Variants in SLC30A8 observed in about 807,000 individuals in gnomAD.
SLC30A8 encodes proton-coupled zinc antiporter SLC30A8.
A neutral mutation model predicts 36.9 loss-of-function variants in SLC30A8; 27 were observed. The observed-to-expected ratio is 0.73, with a 90% confidence interval of 0.54 to 1.01. The LOEUF is 1.01. SLC30A8 is among the 50% of genes least tolerant of loss of function. The pLI is 0.00. For synonymous variants in SLC30A8, 164 were observed against 172.4 expected (o/e 0.95, Z 0.38); for missense variants, 439 against 452.0 (o/e 0.97, Z 0.26).
At chr8:117,062,500 T>C (rs1462272181) in intron 2 of SLC30A8, among the ~76,000 whole-genome samples, 2 of 152,116 alleles carry the variant, frequency 1.3e-5, no homozygotes, top group Non-Finnish European at 2.9e-5. Context: ...AACTCACTCA[T>C]CACCAAGGCA....
At chr8:117,018,823 C>T (rs1816613046) in intron 1 of SLC30A8, among the ~76,000 whole-genome samples, 2 of 152,050 alleles carry the variant, frequency 1.3e-5, no homozygotes, top group Admixed American at 6.6e-5. Flanking sequence ...CCACGCCTAG[C>T]TAATTTTTTG....
chr8:117,066,663 C>CAGTG (rs1045757349), intron 2 of SLC30A8, among the ~76,000 whole-genome samples: 1 of 151,962 alleles, frequency 6.6e-6, no homozygotes, highest in African/African-American at 2.4e-5. Context: ...ATGACTCAAT[C>CAGTG]AGTGTTAGGG....
In SLC30A8 at chr8:117,174,899, G is replaced by A. The variant is rs1823594630; in HGVS notation, c.*2218G>A. 1 of 152,376 alleles carries A rather than the reference G, an allele frequency of 6.6e-6. No individual in the cohort carries two copies. The highest frequency in any genetic ancestry group is 2.4e-5 in the African/African-American group (1 of 41,384). The allele number at this position is 152,376 out of a possible 1,614,324, so 9.4% of individuals were successfully genotyped here. A position where few individuals can be genotyped will look rare whatever the true frequency, so the allele number is the denominator to read the frequency against. On this transcript the variant is annotated 3_prime_UTR_variant, in exon 8 of 8. Transcript: ENST00000456015. The stretch of plus-strand genomic sequence containing the variant: ...GGCAAAATGCAAGACAATCTACAAG[G>A]GAGATTTTAAGGATTTTGAGATGAA...
intron 7 of SLC30A8, among the ~76,000 whole-genome samples, chr8:117,171,482 C>G (rs1252107885): frequency 2.6e-5 from 4 of 152,112 alleles, no homozygotes; most frequent in Admixed American, 2.6e-4. Flanking sequence ...GGTGCCCTAT[C>G]AGTCAAATAA....
chr8:116,977,751 C>T (rs917593654), intron 1 of SLC30A8, among the ~76,000 whole-genome samples: 4 of 151,928 alleles, frequency 2.6e-5, no homozygotes, highest in Admixed American at 2.6e-4. Context: ...ATCTCATGAT[C>T]CACCTGCCTC....
intron 1 of SLC30A8, among the ~76,000 whole-genome samples, chr8:117,140,020 T>G (rs946087817): frequency 1.3e-4 from 19 of 151,964 alleles, no homozygotes; most frequent in African/African-American, 4.1e-4. Flanking sequence ...ATTGAGAATA[T>G]CAATGAAGAG....
intron 2 of SLC30A8, among the ~76,000 whole-genome samples, chr8:117,052,040 C>T (rs1210277942): frequency 1.3e-5 from 2 of 152,052 alleles, no homozygotes; most frequent in East Asian, 1.9e-4. Context: ...GACGGAGTTC[C>T]ACTCTTGTCA....
intron 1 of SLC30A8, among the ~76,000 whole-genome samples, chr8:116,980,740 C>T (rs1231103211): frequency 1.3e-5 from 2 of 152,146 alleles, no homozygotes; most frequent in Admixed American, 6.5e-5. Flanking sequence ...AAACACACCC[C>T]CATCGAAAGG....
At chr8:116,967,358 T>C (rs946139392) in intron 1 of SLC30A8, among the ~76,000 whole-genome samples, 5 of 152,214 alleles carry the variant, frequency 3.3e-5, no homozygotes, top group Non-Finnish European at 7.3e-5. Context: ...TTAGATTGCC[T>C]GGAGAATTAA....
intron 1 of SLC30A8, among the ~76,000 whole-genome samples, chr8:116,953,870 T>G (rs1446533): frequency 1 from 152,245 of 152,246 alleles, 76,122 homozygotes; most frequent in Middle Eastern, 1. Context: ...CTTAAAACTG[T>G]AATTCATTCA....
chr8:117,028,550 G>GTTTTTT (rs57593485), intron 1 of SLC30A8, among the ~76,000 whole-genome samples: 2 of 144,222 alleles, frequency 1.4e-5, no homozygotes, highest in Non-Finnish European at 3.0e-5. Context: ...TCTCACCACA[G>GTTTTTT]TTTTTTTTTT....
At position 117,153,216 on chromosome 8, in the gene SLC30A8, A is replaced by C. The variant is rs1018754279; in HGVS notation, c.418+126A>C. ...TAGAGACACATTTCTGATGCACAGG[A>C]TAAAACAAATGTGTATGTGGGAATG... On this transcript the variant is annotated intron_variant, in intron 3 of 7. Coordinates refer to ENST00000456015, the MANE Select transcript of SLC30A8 (RefSeq NM_173851.3). 7 of 898,324 alleles carry C rather than the reference A, an allele frequency of 7.8e-6. No homozygotes were observed. In the African/African-American group the frequency reaches 1.2e-4, roughly 15 times the overall value. The allele number at this position is 898,324 out of a possible 1,614,324, so 55.6% of individuals were successfully genotyped here.
At chr8:117,001,204 C>CTTTTT (rs34639384) in intron 1 of SLC30A8, among the ~76,000 whole-genome samples, 3 of 78,310 alleles carry the variant, frequency 3.8e-5, no homozygotes, top group Admixed American at 1.7e-4. Flanking sequence ...TTGCTAGGGG[C>CTTTTT]TTTTTTTTTT....
chr8:117,103,974 T>A (rs1819853244), intron 2 of SLC30A8, among the ~76,000 whole-genome samples: 1 of 152,146 alleles, frequency 6.6e-6, no homozygotes, highest in Admixed American at 6.6e-5. Flanking sequence ...CTTAATAGTC[T>A]TCTGTGGACA....
Position 117,157,787 on chromosome 8 carries a change from A to G in SLC30A8, c.515A>G (p.Gln172Arg). The change falls in exon 4 of 8, where the codon CAG becomes CGG. Residue 172 changes from glutamine to arginine, a missense_variant. Coordinates refer to ENST00000456015, the MANE Select transcript of SLC30A8 (RefSeq NM_173851.3). ...ACERLLYPDY[Q>R]IQATVMIIVS... ...GAGCGCCTGCTGTATCCTGATTACC[A>G]GATCCAGGCGACTGTGATGATCATC... The G allele has an allele frequency of 2.5e-6, 4 of 1,614,160 alleles. No homozygotes were observed. Among genetic ancestry groups the G allele is most frequent in the Non-Finnish European group, 3.4e-6 (4 of 1,180,016 alleles).
rs750274669 is a variant in SLC30A8 at position 117,171,137 on chromosome 8, T to A, written c.933T>A (p.Asn311Lys). Residue 311 changes from asparagine to lysine, a missense_variant, in exon 7 of 8, where the codon AAT becomes AAA. By Grantham distance (94) the Asn-to-Lys change is moderately conservative (BLOSUM62 0). Transcript: ENST00000456015. ...TGCACATCTGGTCTCTAACAATGAATCAAGTAATTCTCTCAGCTCATGTTG... is the reference window on the plus strand; with the variant it reads ...TGCACATCTGGTCTCTAACAATGAAACAAGTAATTCTCTCAGCTCATGTTG... The part of the protein sequence containing the change: ...HSLHIWSLTM[N>K]QVILSAHVAT... 6.2e-7 allele frequency: 1 copy of A among 1,613,422 alleles called. No homozygotes were observed. The highest frequency in any genetic ancestry group is 1.3e-5 in the African/African-American group (1 of 74,834).
At chr8:117,120,343 G>C (rs1455585970) in intron 2 of SLC30A8, among the ~76,000 whole-genome samples, 1 of 151,848 alleles carries the variant, frequency 6.6e-6, no homozygotes, top group Admixed American at 6.6e-5. Flanking sequence ...CTTTGACAAG[G>C]TTGCCAAAAA....
intron 1 of SLC30A8, among the ~76,000 whole-genome samples, chr8:116,989,963 G>A (rs1815574949): frequency 6.6e-6 from 1 of 152,184 alleles, no homozygotes; most frequent in African/African-American, 2.4e-5. Context: ...ATTGATTAGT[G>A]GTGTCTGCCA....
chr8:117,162,426 A>G (rs1419466517), intron 5 of SLC30A8, among the ~76,000 whole-genome samples: 2 of 152,046 alleles, frequency 1.3e-5, no homozygotes, highest in African/African-American at 2.4e-5. Context: ...AATGGGGGAG[A>G]GGTAACTTCT....
Sources: allele counts gnomAD v4.1 joint callset (sites outside exome capture counted in the v4.1 genomes callset), GRCh38; gene constraint gnomAD v4.1.1; transcripts MANE v1.5; gene names NCBI Gene and HGNC (gene_info 2026-07-23, HGNC 2026-07-21).